NAB1: variants seen among roughly 807,000 people sequenced by gnomAD.
The protein encoded by NAB1 is NGFI-A-binding protein 1.
In NAB1, 25 loss-of-function variants were observed where a neutral mutation model predicts 49.9. The ratio of observed to expected loss-of-function variants is 0.50; its 90% confidence interval spans 0.37 to 0.70. The LOEUF (loss-of-function observed/expected upper bound fraction) is 0.70, where lower values mean the gene tolerates loss of function less well. Ranked by LOEUF, NAB1 falls within the 30% of genes least tolerant of loss-of-function variation. The probability of loss-of-function intolerance (pLI) is 0.00; values close to 1 mark genes in which losing one functional copy is unlikely to be tolerated. For missense variants in NAB1, 489 were observed against 575.9 expected, an observed-to-expected ratio of 0.85 and a Z score of 1.54; for synonymous variants, 198 against 215.6, an observed-to-expected ratio of 0.92 and a Z score of 0.71.
Position 190,676,565 on chromosome 2 carries a change from C to T in NAB1, c.1005+3413C>T, listed in dbSNP as rs1029584280. Among the ~76,000 whole-genome samples, 2 of 152,086 alleles carry T rather than the reference C, an allele frequency of 1.3e-5. No homozygotes were observed. The highest frequency in any genetic ancestry group is 2.9e-5 in the Non-Finnish European group (2 of 68,004). The stretch of plus-strand genomic sequence containing the variant: ...GCAACATGGCAAAACCCCATCCTTA[C>T]AAAAATTAGCCAGGCATGATGGCAT... On this transcript the variant is annotated intron_variant, in intron 6 of 9. Transcript: ENST00000337386. The surrounding 1 kb of genome is among the most constrained non-coding windows in gnomAD (Gnocchi z 4.6).
rs1028466115 is a variant in NAB1, at chr2:190,667,758, A to G, written c.820-2568A>G. On this transcript the variant is annotated intron_variant, in intron 4 of 9. Coordinates refer to ENST00000337386, the MANE Select transcript of NAB1 (RefSeq NM_005966.4). This position sits in a 1 kb window ranked among gnomAD's most constrained non-coding sequence, Gnocchi z 4.4. ...ATATCTATATCATACCATGTACCAT[A>G]ACACATTCTAGATGGTTTAAATACT... 3.9e-5 allele frequency among the ~76,000 whole-genome samples: 6 copies of G among 152,150 alleles called. No homozygotes were observed. Among genetic ancestry groups the G allele is most frequent in the Non-Finnish European group, 5.9e-5 (4 of 68,002 alleles).
rs1466635092 is a variant in NAB1, at chr2:190,677,914, G to A, written c.1005+4762G>A. On this transcript the variant is annotated intron_variant, in intron 6 of 9. Transcript: ENST00000337386. This position sits in a 1 kb window ranked among gnomAD's most constrained non-coding sequence, Gnocchi z 5.6. ...TATTGGGGTTATACCTTTCCTCCTA[G>A]TACCGTGTGAAGGGCGAAATGTGTG... Among the ~76,000 whole-genome samples the A allele has an allele frequency of 1.3e-5, 2 of 152,164 alleles. No homozygotes were observed. The highest frequency in any genetic ancestry group is 2.9e-5 in the Non-Finnish European group (2 of 68,042).
rs74406013 is a variant in NAB1 at position 190,657,633 on chromosome 2, A to C, written c.-20+1480A>C. 0.066 allele frequency among the ~76,000 whole-genome samples: 10,065 copies of C among 152,232 alleles called. 536 individuals carry two copies. Among genetic ancestry groups the C allele is most frequent in the Middle Eastern group, 0.14 (40 of 292 alleles). On this transcript the variant is annotated intron_variant, in intron 3 of 9. Transcript: ENST00000337386. The surrounding 1 kb of genome is among the most constrained non-coding windows in gnomAD (Gnocchi z 4.4). ...AGCCCTTGCAAAGAAAGAGACATAA[A>C]ATTTGCGGAAGTCAAAACAGATGTG...
chr2:190,660,059 ATTTGGTAATAG>A (rs1211765644), intron 4 of NAB1, 64 bp downstream of exon 4: 7 of 1,462,204 alleles, frequency 4.8e-6, no homozygotes, highest in Non-Finnish European at 6.5e-6. Flanking sequence ...TTAGAGATAA[ATTTGGTAATAG>A]TTTGCCACAA....
rs774765611 is a variant in NAB1, at chr2:190,674,492, G to C, written c.1005+1340G>C. 1.2e-4 allele frequency among the ~76,000 whole-genome samples: 19 copies of C among 152,032 alleles called. No individual in the cohort carries two copies. Among genetic ancestry groups the C allele is most frequent in the Non-Finnish European group, 2.6e-4 (18 of 68,006 alleles). On this transcript the variant is annotated intron_variant, in intron 6 of 9. Coordinates refer to ENST00000337386, the MANE Select transcript of NAB1 (RefSeq NM_005966.4). This position sits in a 1 kb window ranked among gnomAD's most constrained non-coding sequence, Gnocchi z 5.7. ...CTCCTGGTTTGTTTTCATAGCATTC[G>C]CCAGTATTTGAAACTGTTAGTTACT...
At position 190,659,186 on chromosome 2, in the gene NAB1, GC is replaced by G; in HGVS notation, c.12del (p.Leu5TyrfsTer68). 6.2e-7 allele frequency: 1 copy of G among 1,612,266 alleles called. No homozygotes were observed. Among genetic ancestry groups the G allele is most frequent in the Non-Finnish European group, 8.5e-7 (1 of 1,178,994 alleles). The part of the protein sequence containing the change: MAA[A>X]LPRTLGELQL... ...AAACCCATCCAGAGTAATGGCTGCG[GC>G]CTTACCCAGGACCCTGGGGGAGTTG... On this transcript the variant is annotated frameshift_variant, in exon 4 of 10. Coordinates refer to ENST00000337386, the MANE Select transcript of NAB1 (RefSeq NM_005966.4). LOFTEE classifies it high-confidence loss of function. This position sits in a 1 kb window ranked among gnomAD's most constrained non-coding sequence, Gnocchi z 6.2.
rs988237822 is a variant in NAB1, at chr2:190,684,991, G to A, written c.1096-485G>A. Among the ~76,000 whole-genome samples the A allele has an allele frequency of 3.9e-5, 6 of 152,180 alleles. No homozygotes were observed. The highest frequency in any genetic ancestry group is 9.7e-5 in the African/African-American group (4 of 41,442). On this transcript the variant is annotated intron_variant, in intron 7 of 9. Transcript: ENST00000337386. The surrounding 1 kb of genome is among the most constrained non-coding windows in gnomAD (Gnocchi z 4.6). ...ACATTGTTTAATTTTAGTGGGAAGT[G>A]TATTTGTCTTGTTCTTCTAGACAGC... is the stretch of plus-strand genomic sequence containing the variant.
At chr2:190,681,706 GCAAATTAGTTATTA>G (rs1194370977) in intron 6 of NAB1, among the ~76,000 whole-genome samples, 1 of 152,130 alleles carries the variant, frequency 6.6e-6, no homozygotes, top group Non-Finnish European at 1.5e-5. Flanking sequence ...TTTAAAAATA[GCAAATTAGTTATTA>G]CTTGGGGAAT....
rs1022492307 is a variant in NAB1 at position 190,669,280 on chromosome 2, T to C, written c.820-1046T>C. Among the ~76,000 whole-genome samples, 1 of 152,188 alleles carries C rather than the reference T, an allele frequency of 6.6e-6. No individual in the cohort carries two copies. The highest frequency in any genetic ancestry group is 6.5e-5 in the Admixed American group (1 of 15,284). ...TAACTGAAACCTCAGACAGCAAAAC[T>C]GTGGGTAAGGGGGTACTGCCGTACC... On this transcript the variant is annotated intron_variant, in intron 4 of 9. Transcript: ENST00000337386. The surrounding 1 kb of genome is among the most constrained non-coding windows in gnomAD (Gnocchi z 4.3).
chr2:190,662,101 T>C (rs1477913978), intron 4 of NAB1, among the ~76,000 whole-genome samples: 1 of 152,218 alleles, frequency 6.6e-6, no homozygotes. Context: ...CATGACTTAC[T>C]CTTAATTCAT....
At chr2:190,681,562 A>G (rs1199182589) in intron 6 of NAB1, among the ~76,000 whole-genome samples, 1 of 152,236 alleles carries the variant, frequency 6.6e-6, no homozygotes, top group Non-Finnish European at 1.5e-5. Context: ...GTGAGCCAAC[A>G]TGGAAACCTA....
chr2:190,652,675 C>T lies in NAB1; in HGVS notation c.-197+2693C>T, dbSNP rs936768907. 2.6e-5 allele frequency among the ~76,000 whole-genome samples: 4 copies of T among 152,140 alleles called. No individual in the cohort carries two copies. The highest frequency in any genetic ancestry group is 9.7e-5 in the African/African-American group (4 of 41,434). On this transcript the variant is annotated intron_variant, in intron 2 of 9. Transcript: ENST00000337386. This position sits in a 1 kb window ranked among gnomAD's most constrained non-coding sequence, Gnocchi z 4.2. ...TAGAAGGTATATATTTAATTCATAG[C>T]TAAGATCCAGAAGTATCTTGACTTA...
chr2:190,673,619 A>G (rs1694930235), intron 6 of NAB1, among the ~76,000 whole-genome samples: 1 of 152,212 alleles, frequency 6.6e-6, no homozygotes, highest in Non-Finnish European at 1.5e-5. Flanking sequence ...TTCCTTTCAT[A>G]GTTGTATTTA....
Position 190,652,493 on chromosome 2 carries a change from A to G in NAB1, c.-197+2511A>G, listed in dbSNP as rs963821191. 1.3e-5 allele frequency among the ~76,000 whole-genome samples: 2 copies of G among 152,192 alleles called. No individual in the cohort carries two copies. Among genetic ancestry groups the G allele is most frequent in the Non-Finnish European group, 2.9e-5 (2 of 68,024 alleles). The stretch of plus-strand genomic sequence containing the variant: ...AGCAAAATCTGGTTTAGTTTTTTCT[A>G]ATTTTGGCAAGTAAATTTAACCTCA... On this transcript the variant is annotated intron_variant, in intron 2 of 9. Transcript: ENST00000337386. This position sits in a 1 kb window ranked among gnomAD's most constrained non-coding sequence, Gnocchi z 4.2.
Position 190,690,295 on chromosome 2 carries a change from A to G in NAB1, c.1426A>G (p.Lys476Glu), listed in dbSNP as rs760908104. The change falls in exon 10 of 10, where the codon AAG (lysine) becomes GAG (glutamate). Residue 476 changes from lysine (K) to glutamate (E), a missense_variant. Transcript: ENST00000337386. ...CCCTCATTCAGCTTTTACCTTAGAA[A>G]AGAAAGTCATCAAAACAGAGCCTGA... ...DYPHSAFTLE[K>E]KVIKTEPEDS... 1 of 1,613,042 alleles carries G rather than the reference A, an allele frequency of 6.2e-7. No individual in the cohort carries two copies. The highest frequency in any genetic ancestry group is 1.1e-5 in the South Asian group (1 of 91,046).
chr2:190,672,536 A>C (rs563869763), intron 5 of NAB1, among the ~76,000 whole-genome samples: 1 of 152,334 alleles, frequency 6.6e-6, no homozygotes, highest in African/African-American at 2.4e-5. Context: ...TTCTGTAGAT[A>C]GACAAAATGC....
At position 190,649,559 on chromosome 2, in the gene NAB1, C is replaced by T. The variant is rs1693540525; in HGVS notation, c.-334+199C>T. On this transcript the variant is annotated intron_variant, in intron 1 of 9. Coordinates refer to ENST00000337386, the MANE Select transcript of NAB1 (RefSeq NM_005966.4). The surrounding 1 kb of genome is among the most constrained non-coding windows in gnomAD (Gnocchi z 6.1). ...GGCCCCGGGCTCGTGTGGGCGATTC[C>T]CGGAGACATTCTGTGTGCCAGGGCG... The T allele has an allele frequency of 6.6e-6, 1 of 151,992 alleles. No homozygotes were observed. Among genetic ancestry groups the T allele is most frequent in the Admixed American group, 6.5e-5 (1 of 15,274 alleles). 9.4% of individuals were successfully genotyped at this position (151,992 alleles called of 1,614,324 possible).
rs1274796898 is a variant in NAB1, at chr2:190,691,564, T to A, written c.*1231T>A. ...ATGTGCATATATATGGGAGTGTGCT[T>A]ACATGTTAATAATTTACTTGCATAC... On this transcript the variant is annotated 3_prime_UTR_variant, in exon 10 of 10. Coordinates refer to ENST00000337386, the MANE Select transcript of NAB1 (RefSeq NM_005966.4). This position sits in a 1 kb window ranked among gnomAD's most constrained non-coding sequence, Gnocchi z 4.1. 2 of 152,174 alleles carry A rather than the reference T, an allele frequency of 1.3e-5. No individual in the cohort carries two copies. The highest frequency in any genetic ancestry group is 2.9e-5 in the Non-Finnish European group (2 of 67,996). The allele number at this position is 152,174 out of a possible 1,614,324, so 9.4% of individuals were successfully genotyped here.
At position 190,660,861 on chromosome 2, in the gene NAB1, A is replaced by G. The variant is rs543031300; in HGVS notation, c.819+866A>G. On this transcript the variant is annotated intron_variant, in intron 4 of 9. Transcript: ENST00000337386. Reference sequence around the variant, plus strand: ...CAGAGATAATGTCTCCTTCATCTTTATATCCCCAGAGTCAAATGTACACAA... The same window carrying G: ...CAGAGATAATGTCTCCTTCATCTTTGTATCCCCAGAGTCAAATGTACACAA... Among the ~76,000 whole-genome samples the G allele has an allele frequency of 1.8e-4, 28 of 152,250 alleles. No homozygotes were observed. In the South Asian group the frequency reaches 4.6e-3, roughly 25 times the overall value.
Sources: allele counts gnomAD v4.1 joint callset (sites outside exome capture counted in the v4.1 genomes callset), GRCh38; gene constraint gnomAD v4.1.1; non-coding constraint Gnocchi (gnomAD v3.1); transcripts MANE v1.5; gene names NCBI Gene and HGNC (gene_info 2026-07-23, HGNC 2026-07-21).